Variants in MMP16 observed in about 807,000 individuals in gnomAD.
The protein encoded by MMP16 is matrix metallopeptidase 16.
Under a neutral mutation model 67.8 loss-of-function variants are expected in MMP16, and 12 were observed. The ratio of observed to expected loss-of-function variants is 0.18; its 90% CI spans 0.11 to 0.29. The LOEUF (loss-of-function observed/expected upper bound fraction) is 0.29, where lower values mean the gene tolerates loss of function less well. Among genes scored for constraint, MMP16 ranks in the 10% least tolerant of loss-of-function variants. MMP16 has a pLI of 1.00. For synonymous variants in MMP16, 249 were observed against 255.9 expected, an observed-to-expected ratio of 0.97 and a Z score of 0.26; for missense variants, 475 against 765.7, an observed-to-expected ratio of 0.62 and a Z score of 4.48.
At chr8:88,202,977 A>T (rs1705047830) in intron 1 of MMP16, among the ~76,000 whole-genome samples, 1 of 152,022 alleles carries the variant, frequency 6.6e-6, no homozygotes, top group Non-Finnish European at 1.5e-5. Flanking sequence ...ACTCGCCTTT[A>T]TTTACTGGGA....
At chr8:88,299,253 C>T (rs73692219) in intron 1 of MMP16, among the ~76,000 whole-genome samples, 21,329 of 152,068 alleles carry the variant, frequency 0.14, 2,064 homozygotes, top group African/African-American at 0.26. Context: ...AAAGTGAATG[C>T]ATAAACCCTG....
chr8:88,148,287 T>A (rs918076363), intron 4 of MMP16, among the ~76,000 whole-genome samples: 7 of 152,342 alleles, frequency 4.6e-5, no homozygotes, highest in South Asian at 2.1e-4. Context: ...ATATTATGTA[T>A]CTTAATTTCA....
intron 7 of MMP16, among the ~76,000 whole-genome samples, chr8:88,074,142 G>C (rs1808606755): frequency 1.3e-5 from 2 of 152,086 alleles, no homozygotes. Context: ...CTGATAATTG[G>C]ATAATTCTAA....
At chr8:88,147,486 C>T (rs1808313287) in intron 4 of MMP16, among the ~76,000 whole-genome samples, 1 of 151,864 alleles carries the variant, frequency 6.6e-6, no homozygotes, top group African/African-American at 2.4e-5. Flanking sequence ...GGAATCTTTT[C>T]TTTCTCCTTA....
At position 88,125,862 on chromosome 8, in the gene MMP16, T is replaced by C. The variant is rs143970731; in HGVS notation, c.710-7001A>G. On this transcript the variant is annotated intron_variant, in intron 4 of 9. Transcript: ENST00000286614. ...TTTTTCCCTGGATAGCTCAGTTTGATTGGTCAGGATGATTCTGGAGGCCTA... is the reference window on the plus strand; with the variant it reads ...TTTTTCCCTGGATAGCTCAGTTTGACTGGTCAGGATGATTCTGGAGGCCTA... Among the ~76,000 whole-genome samples, 119 of 152,032 alleles carry C rather than the reference T, an allele frequency of 7.8e-4. 1 individual carries two copies. The highest frequency in any genetic ancestry group is 2.4e-3 in the African/African-American group (99 of 41,534).
chr8:88,131,268 TAC>T (rs111863181), intron 4 of MMP16, among the ~76,000 whole-genome samples: 279 of 146,778 alleles, frequency 1.9e-3, no homozygotes, highest in Admixed American at 0.011. Flanking sequence ...TATAGTATTA[TAC>T]ACACACACAC....
rs1808138248 is a variant in MMP16 at position 88,041,954 on chromosome 8, A to C, written c.1490-159T>G. Among the ~76,000 whole-genome samples the C allele has an allele frequency of 6.6e-6, 1 of 152,314 alleles. No homozygotes were observed. Among genetic ancestry groups the C allele is most frequent in the South Asian group, 2.1e-4 (1 of 4,822 alleles). On this transcript the variant is annotated intron_variant, in intron 9 of 9. Coordinates refer to ENST00000286614, the MANE Select transcript of MMP16 (RefSeq NM_005941.5). The surrounding 1 kb of genome is among the most constrained non-coding windows in gnomAD (Gnocchi z 6.0). ...CTATTTTCAGCTCAGCTGTCTGTTA[A>C]GATGGCTGTGGCTGCTGTGCTCCAG... is the stretch of plus-strand genomic sequence containing the variant.
intron 4 of MMP16, among the ~76,000 whole-genome samples, chr8:88,166,099 T>A (rs1448235658): frequency 6.6e-6 from 1 of 152,024 alleles, no homozygotes; most frequent in East Asian, 1.9e-4. Flanking sequence ...ATTTATCCTA[T>A]CCAAAACACG....
At chr8:88,151,350 G>C (rs1808403071) in intron 4 of MMP16, among the ~76,000 whole-genome samples, 1 of 149,808 alleles carries the variant, frequency 6.7e-6, no homozygotes, top group Non-Finnish European at 1.5e-5. Flanking sequence ...ACTCAGCTCT[G>C]TACCAAGCGG....
intron 1 of MMP16, among the ~76,000 whole-genome samples, chr8:88,253,461 G>A (rs966353345): frequency 1.3e-5 from 2 of 151,960 alleles, no homozygotes; most frequent in East Asian, 1.9e-4. Context: ...TATGTACCTC[G>A]ATATGCTGTG....
At chr8:88,233,815 A>G (rs2129879723) in intron 1 of MMP16, among the ~76,000 whole-genome samples, 1 of 152,324 alleles carries the variant, frequency 6.6e-6, no homozygotes, top group Non-Finnish European at 1.5e-5. Context: ...CATTCAGCAA[A>G]GTTTGTTCAC....
chr8:88,163,554 T>C (rs774147048), intron 4 of MMP16, among the ~76,000 whole-genome samples: 1 of 152,008 alleles, frequency 6.6e-6, no homozygotes, highest in African/African-American at 2.4e-5. Flanking sequence ...CTGTCATAAG[T>C]TTTATATATT....
chr8:88,149,482 C>T (rs1161507088), intron 4 of MMP16, among the ~76,000 whole-genome samples: 1 of 152,176 alleles, frequency 6.6e-6, no homozygotes, highest in Non-Finnish European at 1.5e-5. Flanking sequence ...TTGAAGAGAG[C>T]AGTGGTTCTC....
At chr8:88,210,688 T>C (rs1809499687) in intron 1 of MMP16, among the ~76,000 whole-genome samples, 1 of 152,110 alleles carries the variant, frequency 6.6e-6, no homozygotes, top group Admixed American at 6.6e-5. Flanking sequence ...CAAGGTACAA[T>C]AGGTGGTAAT....
At chr8:88,227,202 G>T (rs1365276996) in intron 1 of MMP16, among the ~76,000 whole-genome samples, 1 of 151,856 alleles carries the variant, frequency 6.6e-6, no homozygotes, top group Non-Finnish European at 1.5e-5. Flanking sequence ...TTAAATCTTG[G>T]GGGGAAAGGA....
chr8:88,291,102 G>T (rs1420816051), intron 1 of MMP16, among the ~76,000 whole-genome samples: 1 of 151,892 alleles, frequency 6.6e-6, no homozygotes, highest in Admixed American at 6.6e-5. Context: ...GCAACACGGT[G>T]ATACCACATC....
chr8:88,209,368 T>C (rs1436223254), intron 1 of MMP16, among the ~76,000 whole-genome samples: 3 of 152,186 alleles, frequency 2.0e-5, no homozygotes, highest in African/African-American at 7.2e-5. Flanking sequence ...TTTTCTTCCA[T>C]ATGATTTTCT....
chr8:88,065,743 A>C (rs1808455823), intron 7 of MMP16, among the ~76,000 whole-genome samples: 1 of 152,152 alleles, frequency 6.6e-6, no homozygotes, highest in Non-Finnish European at 1.5e-5. Flanking sequence ...AATGAACTTC[A>C]TGAATACTCC....
rs183924188 is a variant in MMP16, at chr8:88,265,415, T to G, written c.132+61660A>C. ...GCTGCATGAAGCACTGAGAATTCAGTGGTGAAAAAAACACAGTCCTTAATC... is the reference window on the plus strand; with the variant it reads ...GCTGCATGAAGCACTGAGAATTCAGGGGTGAAAAAAACACAGTCCTTAATC... On this transcript the variant is annotated intron_variant, in intron 1 of 9. Coordinates refer to ENST00000286614, the MANE Select transcript of MMP16 (RefSeq NM_005941.5). Among the ~76,000 whole-genome samples, 11 of 152,116 alleles carry G rather than the reference T, an allele frequency of 7.2e-5. No individual in the cohort carries two copies. In the East Asian group the frequency reaches 1.6e-3, roughly 22 times the overall value.
Sources: gnomAD v4.1 joint callset for allele counts (sites outside exome capture counted in the v4.1 genomes callset) on GRCh38, gnomAD v4.1.1 for gene constraint, Gnocchi (gnomAD v3.1) non-coding constraint, MANE v1.5 for transcripts, NCBI Gene and HGNC (gene_info 2026-07-23, HGNC 2026-07-21) for gene names.